PTCHD4: variants seen among roughly 807,000 people sequenced by gnomAD.
PTCHD4 encodes patched domain-containing protein 4.
PTCHD4 carries 33 observed loss-of-function variants against 58.1 expected under a neutral mutation model. The ratio of observed to expected loss-of-function variants is 0.57; its 90% CI spans 0.43 to 0.76. PTCHD4 has a LOEUF of 0.76. Among genes scored for constraint, PTCHD4 ranks in the 30% least tolerant of loss-of-function variants. PTCHD4 has a pLI of 0.00. For synonymous variants in PTCHD4, 478 were observed against 409.6 expected (o/e 1.17, Z -2.02); for missense variants, 1,058 against 1,027.1 (o/e 1.03, Z -0.41).
chr6:48,000,357 T>C (rs188772514), intron 4 of PTCHD4, among the ~76,000 whole-genome samples: 43 of 152,288 alleles, frequency 2.8e-4, no homozygotes, highest in Admixed American at 9.2e-4. Context: ...TCATTTTTTG[T>C]TTTCTGATTA....
At chr6:47,935,005 G>A (rs1765950260) in intron 4 of PTCHD4, among the ~76,000 whole-genome samples, 1 of 152,094 alleles carries the variant, frequency 6.6e-6, no homozygotes, top group Non-Finnish European at 1.5e-5. Context: ...ACAAAATAGG[G>A]TTGAAAAATA....
At chr6:47,930,077 G>C (rs1765759281) in intron 4 of PTCHD4, among the ~76,000 whole-genome samples, 1 of 152,218 alleles carries the variant, frequency 6.6e-6, no homozygotes, top group Non-Finnish European at 1.5e-5. Context: ...TTTGGTTAAA[G>C]CTGGGTCAGT....
Position 47,860,712 on chromosome 6 carries a change from T to C in PTCHD4, c.*17591A>G, listed in dbSNP as rs974414075. 1.3e-5 allele frequency among the ~76,000 whole-genome samples: 2 copies of C among 152,000 alleles called. No homozygotes were observed. Among genetic ancestry groups the C allele is most frequent in the Admixed American group, 1.3e-4 (2 of 15,236 alleles). ...AGGGCTATTAGTGGAGCAGAAATTA[T>C]AAACATTTGAGAGACATAGGTAGAG... On this transcript the variant is annotated 3_prime_UTR_variant, in exon 5 of 5. Coordinates refer to ENST00000339488, the MANE Select transcript of PTCHD4 (RefSeq NM_001384253.1).
chr6:48,019,176 G>T (rs1167525795), intron 3 of PTCHD4, among the ~76,000 whole-genome samples: 1 of 152,198 alleles, frequency 6.6e-6, no homozygotes, highest in Non-Finnish European at 1.5e-5. Flanking sequence ...TGAATATGTG[G>T]GGGTACCCAA....
intron 3 of PTCHD4, among the ~76,000 whole-genome samples, chr6:48,044,197 A>G (rs1232482927): frequency 6.6e-6 from 1 of 151,896 alleles, no homozygotes; most frequent in Non-Finnish European, 1.5e-5. Flanking sequence ...TGAAAGAGGA[A>G]GAATCTGACA....
intron 4 of PTCHD4, among the ~76,000 whole-genome samples, chr6:47,986,312 A>G (rs991364584): frequency 1.3e-5 from 2 of 152,154 alleles, no homozygotes; most frequent in East Asian, 3.9e-4. Flanking sequence ...TAAGTCATTT[A>G]ACACCTGGTA....
rs1022230637 is a variant in PTCHD4, at chr6:47,868,829, T to C, written c.*9474A>G. 3.3e-5 allele frequency among the ~76,000 whole-genome samples: 5 copies of C among 151,606 alleles called. No individual in the cohort carries two copies. In the East Asian group the frequency reaches 5.8e-4, roughly 18 times the overall value. ...TTAGAAATGATAAAAGTTGAACATA[T>C]TTAAAGGAAAAAAGCAGAATAAAAT... On this transcript the variant is annotated 3_prime_UTR_variant, in exon 5 of 5. Coordinates refer to ENST00000339488, the MANE Select transcript of PTCHD4 (RefSeq NM_001384253.1).
chr6:47,981,956 C>T (rs1370750103), intron 4 of PTCHD4, among the ~76,000 whole-genome samples: 2 of 152,076 alleles, frequency 1.3e-5, no homozygotes, highest in Non-Finnish European at 2.9e-5. Context: ...GTAGATAAGG[C>T]TCTCTTGGGA....
intron 4 of PTCHD4, among the ~76,000 whole-genome samples, chr6:47,994,813 A>G (rs1476530683): frequency 6.6e-6 from 1 of 152,218 alleles, no homozygotes; most frequent in African/African-American, 2.4e-5. Flanking sequence ...CATGTTGGTA[A>G]TGGCATTTGG....
At chr6:48,004,645 C>T (rs544986862) in intron 4 of PTCHD4, among the ~76,000 whole-genome samples, 5 of 152,252 alleles carry the variant, frequency 3.3e-5, no homozygotes, top group African/African-American at 1.2e-4. Flanking sequence ...TGGCCCAGCA[C>T]GGTGGCTCAT....
chr6:47,880,263 T>C (rs1260320880), intron 4 of PTCHD4, among the ~76,000 whole-genome samples: 3 of 152,180 alleles, frequency 2.0e-5, no homozygotes, highest in African/African-American at 4.8e-5. Context: ...AAATAGACAG[T>C]TTTGTCAACG....
chr6:48,016,059 G>T (rs899811831), intron 3 of PTCHD4, among the ~76,000 whole-genome samples: 1 of 151,898 alleles, frequency 6.6e-6, no homozygotes, highest in Non-Finnish European at 1.5e-5. Flanking sequence ...TTCTCAGTCT[G>T]CTTATTCTAG....
intron 3 of PTCHD4, among the ~76,000 whole-genome samples, chr6:48,067,166 A>G (rs1764828295): frequency 6.6e-6 from 1 of 152,210 alleles, no homozygotes; most frequent in Non-Finnish European, 1.5e-5. Flanking sequence ...TGGAAGTCAC[A>G]TTTGTCCCTG....
chr6:47,945,810 A>G (rs531329691), intron 4 of PTCHD4, among the ~76,000 whole-genome samples: 16 of 151,882 alleles, frequency 1.1e-4, no homozygotes, highest in African/African-American at 3.6e-4. Context: ...ATAAATTGTT[A>G]TAATTTTCTT....
At chr6:48,103,823 A>G (rs1381952655) in intron 1 of PTCHD4, among the ~76,000 whole-genome samples, 1 of 152,266 alleles carries the variant, frequency 6.6e-6, no homozygotes, top group Non-Finnish European at 1.5e-5. Flanking sequence ...TCAGTAACTG[A>G]TGCGATCAAC....
intron 1 of PTCHD4, among the ~76,000 whole-genome samples, chr6:48,080,998 T>A (rs1395010141): frequency 6.6e-6 from 1 of 152,148 alleles, no homozygotes; most frequent in Non-Finnish European, 1.5e-5. Context: ...GAAGTGTAAA[T>A]GCAGGGGCAG....
intron 4 of PTCHD4, among the ~76,000 whole-genome samples, chr6:47,898,106 G>A (rs903892322): frequency 2.0e-5 from 3 of 151,084 alleles, no homozygotes; most frequent in African/African-American, 4.9e-5. Flanking sequence ...CACCACACCC[G>A]GCTAATTTTT....
At chr6:47,993,578 T>G (rs910219256) in intron 4 of PTCHD4, among the ~76,000 whole-genome samples, 12 of 152,344 alleles carry the variant, frequency 7.9e-5, no homozygotes, top group Non-Finnish European at 1.6e-4. Flanking sequence ...CAGGTGTCAG[T>G]TGATATTCAA....
chr6:47,951,219 A>G (rs1050586514), intron 4 of PTCHD4, among the ~76,000 whole-genome samples: 1 of 152,188 alleles, frequency 6.6e-6, no homozygotes, highest in Admixed American at 6.6e-5. Context: ...TATGGGCAGG[A>G]TGTAGGGAAA....
Sources: gnomAD v4.1 joint callset for allele counts (sites outside exome capture counted in the v4.1 genomes callset) on GRCh38, gnomAD v4.1.1 for gene constraint, MANE v1.5 for transcripts, NCBI Gene and HGNC (gene_info 2026-07-23, HGNC 2026-07-21) for gene names.